SUPT4H1: variants seen among roughly 807,000 people sequenced by gnomAD.
SUPT4H1 encodes transcription elongation factor SPT4.
A neutral mutation model predicts 19.4 loss-of-function variants in SUPT4H1; 12 were observed. The observed-to-expected ratio is 0.62, with a 90% CI of 0.40 to 1.00. The LOEUF (loss-of-function observed/expected upper bound fraction) is 1.00, where lower values mean the gene tolerates loss of function less well. SUPT4H1 is among the 50% of genes least tolerant of loss of function. The pLI is 0.00. For synonymous variants in SUPT4H1, 58 were observed against 56.3 expected (o/e 1.03, Z -0.14); for missense variants, 115 against 149.2 (o/e 0.77, Z 1.19).
At position 58,346,216 on chromosome 17, in the gene SUPT4H1, G is replaced by A. The variant is rs529226657; in HGVS notation, c.*30C>T. The A allele has an allele frequency of 2.5e-6, 4 of 1,589,048 alleles. No individual in the cohort carries two copies. The highest frequency in any genetic ancestry group is 1.7e-5 in the Admixed American group (1 of 59,968). On this transcript the variant is annotated 3_prime_UTR_variant, in exon 5 of 5. Transcript: ENST00000225504. ...GAAATAAGCAGAGGCAGGAGGTGGA[G>A]AGCAAAGATGCTGGCAGCCTTGCAT...
intron 4 of SUPT4H1, 145 bp from the exon 5 acceptor site, chr17:58,346,458 C>T: frequency 1.5e-6 from 1 of 652,082 alleles, no homozygotes; most frequent in Non-Finnish European, 2.8e-6. Flanking sequence ...GGCACGGTGG[C>T]TCATGCCTGC....
At chr17:58,351,587 T>C in intron 1 of SUPT4H1, 79 bp from the exon 2 acceptor site, 1 of 932,814 alleles carries the variant, frequency 1.1e-6, no homozygotes, top group Non-Finnish European at 1.7e-6. Flanking sequence ...TTCTCAATAC[T>C]TCGACCTGCT....
At chr17:58,349,370 G>C (rs1018688371) in intron 2 of SUPT4H1, among the ~76,000 whole-genome samples, 1 of 152,278 alleles carries the variant, frequency 6.6e-6, no homozygotes, top group Non-Finnish European at 1.5e-5. Context: ...CAGCAGCCAT[G>C]AGCCACAGCT....
At chr17:58,350,871 G>A (rs971452012) in intron 2 of SUPT4H1, among the ~76,000 whole-genome samples, 3 of 149,516 alleles carry the variant, frequency 2.0e-5, no homozygotes, top group Non-Finnish European at 4.4e-5. Flanking sequence ...ACAGCTTTTG[G>A]GCAATGATCT....
intron 2 of SUPT4H1, among the ~76,000 whole-genome samples, chr17:58,350,703 G>T (rs1357764352): frequency 2.0e-5 from 3 of 151,156 alleles, no homozygotes; most frequent in Non-Finnish European, 2.9e-5. Flanking sequence ...GGGAGTGGTG[G>T]TGGGTGCCTG....
intron 2 of SUPT4H1, among the ~76,000 whole-genome samples, chr17:58,349,424 G>A (rs1190544664): frequency 1.3e-5 from 2 of 152,240 alleles, no homozygotes; most frequent in Non-Finnish European, 2.9e-5. Context: ...CACATTTGAA[G>A]TAGGCTAACT....
chr17:58,351,442 G>C lies in SUPT4H1; in HGVS notation c.136C>G (p.Arg46Gly), dbSNP rs769779914. The change falls in exon 2 of 5, where the codon CGA (arginine) becomes GGA (glycine). Residue 46 changes from arginine to glycine, a missense_variant. Transcript: ENST00000225504. ...CTAGTGCAGTCATATACCATCTCTC[G>C]GTTACCCTTCATTTGTAGATATGCA... is the stretch of plus-strand genomic sequence containing the variant. ...CDAYLQMKGN[R>G]EMVYDCTSSS... is the part of the protein sequence containing the mutation. 7 of 1,613,758 alleles carry C rather than the reference G, an allele frequency of 4.3e-6. No homozygotes were observed. The highest frequency in any genetic ancestry group is 5.9e-6 in the Non-Finnish European group (7 of 1,179,952).
At chr17:58,347,476 A>C (rs374406208) in intron 3 of SUPT4H1, 53 bp downstream of exon 3, 46 of 1,601,988 alleles carry the variant, frequency 2.9e-5, no homozygotes, top group Non-Finnish European at 3.8e-5. Flanking sequence ...AATGGACCTG[A>C]GGAACAGTAA....
intron 4 of SUPT4H1, 27 bp from the exon 5 acceptor site, chr17:58,346,340 T>G: frequency 6.2e-7 from 1 of 1,609,624 alleles, no homozygotes; most frequent in Non-Finnish European, 8.5e-7. Context: ...AACAGTTCTG[T>G]GAGGTAAGAT....
chr17:58,346,213 G>A lies in SUPT4H1; in HGVS notation c.*33C>T. On this transcript the variant is annotated 3_prime_UTR_variant, in exon 5 of 5. Transcript: ENST00000225504. ...CAAGAAATAAGCAGAGGCAGGAGGTGGAGAGCAAAGATGCTGGCAGCCTTG... is the reference window on the plus strand; with the variant it reads ...CAAGAAATAAGCAGAGGCAGGAGGTAGAGAGCAAAGATGCTGGCAGCCTTG... The A allele has an allele frequency of 1.3e-6, 2 of 1,577,010 alleles. No individual in the cohort carries two copies. Among genetic ancestry groups the A allele is most frequent in the South Asian group, 1.1e-5 (1 of 90,260 alleles).
chr17:58,348,526 T>C (rs192016568), intron 2 of SUPT4H1, among the ~76,000 whole-genome samples: 3 of 152,190 alleles, frequency 2.0e-5, no homozygotes, highest in Admixed American at 1.3e-4. Context: ...TAGGCATGTA[T>C]GCAGGCCATC....
chr17:58,350,191 T>C (rs7223452), intron 2 of SUPT4H1, among the ~76,000 whole-genome samples: 64,043 of 150,188 alleles, frequency 0.43, 13,556 homozygotes, highest in East Asian at 0.55. Flanking sequence ...GAGGCTGAGG[T>C]AGGAGGCGGA....
rs141344069 is a variant in SUPT4H1, at chr17:58,345,940, A to C, written c.*306T>G. The C allele has an allele frequency of 2.5e-4, 72 of 287,882 alleles. No individual in the cohort carries two copies. In the East Asian group the frequency reaches 4.9e-3, roughly 20 times the overall value. The allele number at this position is 287,882 out of a possible 1,614,324, so 17.8% of individuals were successfully genotyped here. On this transcript the variant is annotated 3_prime_UTR_variant, in exon 5 of 5. Coordinates refer to ENST00000225504, the MANE Select transcript of SUPT4H1 (RefSeq NM_003168.3). Reference sequence around the variant, plus strand: ...GGCCTTCAGAACTTTCTCGAGGTTCATATTTATTGACATTTGACCTAGAGT... The same window carrying C: ...GGCCTTCAGAACTTTCTCGAGGTTCCTATTTATTGACATTTGACCTAGAGT...
At chr17:58,348,154 C>T (rs146397395) in intron 2 of SUPT4H1, among the ~76,000 whole-genome samples, 4 of 152,306 alleles carry the variant, frequency 2.6e-5, no homozygotes, top group Admixed American at 6.5e-5. Context: ...GCTAAATAAG[C>T]ATTAGCTCTC....
At chr17:58,347,972 AAGG>A (rs1972353875) in intron 2 of SUPT4H1, among the ~76,000 whole-genome samples, 1 of 152,200 alleles carries the variant, frequency 6.6e-6, no homozygotes, top group African/African-American at 2.4e-5. Context: ...TCCTACTAGA[AAGG>A]AGTTCAACTT....
chr17:58,350,156 GGC>G (rs1230415525), intron 2 of SUPT4H1, among the ~76,000 whole-genome samples: 2 of 152,084 alleles, frequency 1.3e-5, no homozygotes, highest in Non-Finnish European at 2.9e-5. Context: ...CGTGGTGGTG[GGC>G]GCCTGTAATC....
chr17:58,346,391 G>T (rs533491320), intron 4 of SUPT4H1, 78 bp from the exon 5 acceptor site: 3 of 1,220,626 alleles, frequency 2.5e-6, no homozygotes, highest in Admixed American at 3.4e-5. Flanking sequence ...CACCTTGAGG[G>T]GGGTACTATA....
chr17:58,349,885 C>G (rs1453249366), intron 2 of SUPT4H1, among the ~76,000 whole-genome samples: 1 of 152,112 alleles, frequency 6.6e-6, no homozygotes, highest in African/African-American at 2.4e-5. Context: ...GAGGAGAGAA[C>G]GAGGAGCTAG....
chr17:58,351,523 A>C lies in SUPT4H1; in HGVS notation c.70-15T>G. The C allele has an allele frequency of 2.6e-6, 4 of 1,555,102 alleles. No individual in the cohort carries two copies. Among genetic ancestry groups the C allele is most frequent in the Non-Finnish European group, 3.5e-6 (4 of 1,128,168 alleles). ...TGGTCTATAGTCTGGGAGTGAAAGAAAAATAAAGGAAAAGGAGAGATAAGC... is the reference window on the plus strand; with the variant it reads ...TGGTCTATAGTCTGGGAGTGAAAGACAAATAAAGGAAAAGGAGAGATAAGC... On this transcript the variant is annotated splice_polypyrimidine_tract_variant and intron_variant, in intron 1 of 4. Coordinates refer to ENST00000225504, the MANE Select transcript of SUPT4H1 (RefSeq NM_003168.3).
Sources: gnomAD v4.1 joint callset for allele counts (sites outside exome capture counted in the v4.1 genomes callset) on GRCh38, gnomAD v4.1.1 for gene constraint, MANE v1.5 for transcripts, NCBI Gene and HGNC (gene_info 2026-07-23, HGNC 2026-07-21) for gene names.